Variants in COL22A1 observed in about 807,000 individuals in gnomAD.
COL22A1 encodes the protein collagen alpha-1(XXII) chain.
Under a neutral mutation model 248.9 loss-of-function variants are expected in COL22A1, and 221 were observed. The observed-to-expected ratio is 0.89, with a 90% CI of 0.80 to 0.99. The LOEUF (loss-of-function observed/expected upper bound fraction) is 0.99, where lower values mean the gene tolerates loss of function less well. COL22A1 is among the 50% of genes least tolerant of loss of function. The pLI, the probability that COL22A1 is intolerant of heterozygous loss-of-function variation, is 0.00. For synonymous variants in COL22A1, 891 were observed against 793.4 expected (o/e 1.12, Z -2.07); for missense variants, 2,240 against 2,179.0 (o/e 1.03, Z -0.56).
In COL22A1 at chr8:138,646,697, C is replaced by A. The variant is rs1822233172; in HGVS notation, c.3448-15G>T. 3.9e-6 allele frequency: 6 copies of A among 1,542,024 alleles called. No homozygotes were observed. In the Admixed American group the frequency reaches 6.0e-5, roughly 16 times the overall value. ...CCAGCCTCTCCCTGTATCAGGGATA[C>A]AAGAAAAAAAAAGAAAACAAGAATG... is the stretch of plus-strand genomic sequence containing the variant. On this transcript the variant is annotated splice_polypyrimidine_tract_variant and intron_variant, in intron 46 of 64. Transcript: ENST00000303045.
intron 41 of COL22A1, among the ~76,000 whole-genome samples, 185 bp from the exon 42 acceptor site, chr8:138,663,925 A>T (rs749763683): frequency 2.6e-5 from 4 of 151,572 alleles, no homozygotes; most frequent in Non-Finnish European, 1.5e-5. Flanking sequence ...TGCTCATGAA[A>T]ATCTCTCTGG....
At chr8:138,892,577 C>A (rs1281453446) in intron 1 of COL22A1, among the ~76,000 whole-genome samples, 1 of 152,190 alleles carries the variant, frequency 6.6e-6, no homozygotes. Context: ...GGGTTAGCTG[C>A]CAAGCTGGCA....
Position 138,821,400 on chromosome 8 carries a change from C to G in COL22A1, c.981G>C (p.Arg327=). 3.7e-6 allele frequency: 6 copies of G among 1,612,218 alleles called. No homozygotes were observed. The highest frequency in any genetic ancestry group is 5.1e-6 in the Non-Finnish European group (6 of 1,178,446). The change falls in exon 7 of 65, where the codon CGG becomes CGC. Residue 327 remains arginine (R), a synonymous_variant. Coordinates refer to ENST00000303045, the MANE Select transcript of COL22A1 (RefSeq NM_152888.3). ...DQYSIPQVSI[R]LDGENKAVEY... Reference sequence around the variant, plus strand: ...CGACTGCCTTGTTTTCACCATCCAGCCGGATGGAGACCTGGGGAGGAAAGG... The same window carrying G: ...CGACTGCCTTGTTTTCACCATCCAGGCGGATGGAGACCTGGGGAGGAAAGG...
intron 39 of COL22A1, among the ~76,000 whole-genome samples, chr8:138,680,566 T>A (rs559285287): frequency 2.0e-5 from 3 of 152,280 alleles, no homozygotes; most frequent in Admixed American, 6.5e-5. Context: ...AGGAAAACCT[T>A]CAAATAACTC....
chr8:138,892,756 C>A (rs1825153148), intron 1 of COL22A1, among the ~76,000 whole-genome samples: 1 of 152,192 alleles, frequency 6.6e-6, no homozygotes, highest in African/African-American at 2.4e-5. Flanking sequence ...GAACACTGAG[C>A]AGAAAGCAAT....
chr8:138,653,631 A>G (rs4073446), intron 45 of COL22A1, among the ~76,000 whole-genome samples: 116,546 of 152,106 alleles, frequency 0.77, 47,916 homozygotes, highest in East Asian at 0.92. Flanking sequence ...ATGGACATTC[A>G]TTTAACAGGG....
At chr8:138,806,474 G>C (rs1362190659) in intron 10 of COL22A1, among the ~76,000 whole-genome samples, 3 of 152,040 alleles carry the variant, frequency 2.0e-5, no homozygotes, top group Non-Finnish European at 4.4e-5. Flanking sequence ...AAAGGCAGAG[G>C]AGAGGAGAAA....
chr8:138,835,641 G>T (rs1392420286), intron 4 of COL22A1, among the ~76,000 whole-genome samples: 1 of 152,170 alleles, frequency 6.6e-6, no homozygotes, highest in Admixed American at 6.5e-5. Context: ...ACTGAACATA[G>T]GGCCTCACTC....
At chr8:138,713,123 A>G (rs1829140638) in intron 30 of COL22A1, among the ~76,000 whole-genome samples, 2 of 152,154 alleles carry the variant, frequency 1.3e-5, no homozygotes, top group African/African-American at 2.4e-5. Flanking sequence ...GGCAGAAAAC[A>G]TAGTGGAATT....
At chr8:138,654,426 G>T (rs1319094272) in intron 45 of COL22A1, among the ~76,000 whole-genome samples, 2 of 151,824 alleles carry the variant, frequency 1.3e-5, no homozygotes, top group Admixed American at 6.6e-5. Context: ...TCAATTTACA[G>T]TGAGATTGAA....
intron 3 of COL22A1, among the ~76,000 whole-genome samples, chr8:138,856,619 G>T (rs1822040099): frequency 1.4e-5 from 2 of 147,804 alleles, no homozygotes; most frequent in Non-Finnish European, 3.0e-5. Flanking sequence ...AGAGAGAGAG[G>T]AGCAGAGAAA....
chr8:138,679,272 T>G (rs1825786398), intron 40 of COL22A1, among the ~76,000 whole-genome samples: 1 of 152,240 alleles, frequency 6.6e-6, no homozygotes, highest in Non-Finnish European at 1.5e-5. Flanking sequence ...TTTAAAAATC[T>G]TAATGCAGAT....
At position 138,636,745 on chromosome 8, in the gene COL22A1, A is replaced by G. The variant is rs1821213565; in HGVS notation, c.3552T>C (p.Asp1184=). The change falls in exon 48 of 65, where the codon GAT becomes GAC. Residue 1184 remains aspartate, a synonymous_variant. Coordinates refer to ENST00000303045, the MANE Select transcript of COL22A1 (RefSeq NM_152888.3). ...GADGEVGQKG[D]QGHPGVPGFM... ...TCCTTATAAAGTAAATTTTTACCTG[A>G]TCACCTTTCTGCCCAACCTCACCAT... 1 of 1,612,496 alleles carries G rather than the reference A, an allele frequency of 6.2e-7. No homozygotes were observed. Among genetic ancestry groups the G allele is most frequent in the Non-Finnish European group, 8.5e-7 (1 of 1,178,628 alleles).
chr8:138,881,880 A>G (rs1285840479), intron 2 of COL22A1, among the ~76,000 whole-genome samples: 1 of 152,078 alleles, frequency 6.6e-6, no homozygotes, highest in African/African-American at 2.4e-5. Flanking sequence ...ACATCTAAGC[A>G]CTGACCAGTG....
chr8:138,833,475 C>T (rs1232766560), intron 4 of COL22A1, among the ~76,000 whole-genome samples: 5 of 152,180 alleles, frequency 3.3e-5, no homozygotes, highest in Non-Finnish European at 5.9e-5. Context: ...TTGGTGTTCA[C>T]GAAACCCAGA....
intron 41 of COL22A1, among the ~76,000 whole-genome samples, chr8:138,675,216 C>T (rs532181171): frequency 1.3e-4 from 19 of 151,970 alleles, no homozygotes; most frequent in African/African-American, 3.6e-4. Context: ...AATGGGAGGA[C>T]GAAGGAGAAT....
chr8:138,754,022 A>G (rs554763876), intron 21 of COL22A1, among the ~76,000 whole-genome samples: 2 of 152,348 alleles, frequency 1.3e-5, no homozygotes, highest in African/African-American at 4.8e-5. Context: ...CTCAAGAGCT[A>G]TGTGACTTTG....
At chr8:138,702,694 TAAG>T (rs1178225068) in intron 31 of COL22A1, among the ~76,000 whole-genome samples, 1 of 152,174 alleles carries the variant, frequency 6.6e-6, no homozygotes, top group Non-Finnish European at 1.5e-5. Flanking sequence ...TAGCAATTTT[TAAG>T]ATTTTTAATA....
chr8:138,691,830 G>A (rs796375823), intron 35 of COL22A1, among the ~76,000 whole-genome samples: 1,301 of 27,632 alleles, frequency 0.047, no homozygotes, highest in East Asian at 0.094. Context: ...TTGTGGAGGT[G>A]TGTGTATGTG....
Sources: gnomAD v4.1 joint callset for allele counts (sites outside exome capture counted in the v4.1 genomes callset) on GRCh38, gnomAD v4.1.1 for gene constraint, MANE v1.5 for transcripts, NCBI Gene and HGNC (gene_info 2026-07-23, HGNC 2026-07-21) for gene names.